SIPA1L3: variants seen among roughly 807,000 people sequenced by gnomAD.
The protein encoded by SIPA1L3 is signal induced proliferation associated 1 like 3, also known as signal-induced proliferation-associated 1-like protein 3.
In SIPA1L3, 59 loss-of-function variants were observed where a neutral mutation model predicts 150.1. The observed-to-expected ratio is 0.39, with a 90% CI of 0.32 to 0.49. The LOEUF (loss-of-function observed/expected upper bound fraction) is 0.49, where lower values mean the gene tolerates loss of function less well. SIPA1L3 is among the 20% of genes least tolerant of loss of function. The pLI is 0.86. For missense variants in SIPA1L3, 2,211 were observed against 2,489.5 expected (o/e 0.89, Z 2.38); for synonymous variants, 1,070 against 1,077.6 (o/e 0.99, Z 0.14).
At chr19:37,928,831 T>C (rs1459044714) in intron 1 of SIPA1L3, among the ~76,000 whole-genome samples, 2 of 152,256 alleles carry the variant, frequency 1.3e-5, no homozygotes, top group South Asian at 4.1e-4. Context: ...AAGAAGCCTG[T>C]AGGTAGGCAG....
At chr19:38,099,098 C>T (rs548304921) in intron 4 of SIPA1L3, among the ~76,000 whole-genome samples, 51 of 152,116 alleles carry the variant, frequency 3.4e-4, no homozygotes, top group Middle Eastern at 3.4e-3. Flanking sequence ...TGCAGTGGCG[C>T]GATCTTGGCT....
intron 1 of SIPA1L3, among the ~76,000 whole-genome samples, chr19:37,927,706 C>G (rs1203625733): frequency 6.8e-6 from 1 of 147,344 alleles, no homozygotes; most frequent in African/African-American, 2.5e-5. Flanking sequence ...CAATGTTTAG[C>G]TCTCACTTGT....
chr19:37,990,336 C>T (rs1189853974), intron 1 of SIPA1L3, among the ~76,000 whole-genome samples: 1 of 152,146 alleles, frequency 6.6e-6, no homozygotes, highest in African/African-American at 2.4e-5. Flanking sequence ...TCCATTCATT[C>T]CTATGTATCT....
chr19:37,973,511 A>G (rs1255689702), intron 1 of SIPA1L3, among the ~76,000 whole-genome samples: 1 of 127,716 alleles, frequency 7.8e-6, no homozygotes, highest in Non-Finnish European at 1.6e-5. Flanking sequence ...CTGGGATTAC[A>G]GGTGTGAGCC....
chr19:38,017,581 G>A (rs1222820152), intron 1 of SIPA1L3, among the ~76,000 whole-genome samples: 2 of 150,982 alleles, frequency 1.3e-5, no homozygotes, highest in Non-Finnish European at 2.9e-5. Flanking sequence ...CTGGAATGTG[G>A]TGGTGTCATC....
rs911349275 is a variant in SIPA1L3 at position 38,207,352 on chromosome 19, T to C, written c.*1112T>C. On this transcript the variant is annotated 3_prime_UTR_variant, in exon 22 of 22. Coordinates refer to ENST00000222345, the MANE Select transcript of SIPA1L3 (RefSeq NM_015073.3). Reference sequence around the variant, plus strand: ...CTCTAAAGGCAATAAGGGGCGGCCATGCCGGTGTGGTACCACGCTGTTCCT... The same window carrying C: ...CTCTAAAGGCAATAAGGGGCGGCCACGCCGGTGTGGTACCACGCTGTTCCT... The C allele has an allele frequency of 6.6e-6, 1 of 151,486 alleles. No homozygotes were observed. The highest frequency in any genetic ancestry group is 1.5e-5 in the Non-Finnish European group (1 of 67,890). 9.4% of individuals were successfully genotyped at this position (151,486 alleles called of 1,614,324 possible).
Position 38,100,056 on chromosome 19 carries a change from A to G in SIPA1L3, c.1760A>G (p.Glu587Gly). The G allele has an allele frequency of 6.2e-7, 1 of 1,612,774 alleles. No homozygotes were observed. The highest frequency in any genetic ancestry group is 8.5e-7 in the Non-Finnish European group (1 of 1,179,512). ...GGCCTGCCCTTGAAGGATGCCCTGG[A>G]GTATGTCATCCCCGAGCTCAACATC... is the stretch of plus-strand genomic sequence containing the variant. ...GRGLPLKDAL[E>G]YVIPELNIHC... Residue 587 changes from glutamate (E) to glycine (G), a missense_variant, in exon 5 of 22, where the codon GAG (glutamate) becomes GGG (glycine). Glu to Gly is a moderately conservative substitution (Grantham distance 98). This residue lies in a region of SIPA1L3 where 625 missense variants were observed against 804.2 expected (regional missense o/e 0.78). Transcript: ENST00000222345.
chr19:37,958,159 C>G (rs1189493846), intron 1 of SIPA1L3, among the ~76,000 whole-genome samples: 1 of 152,144 alleles, frequency 6.6e-6, no homozygotes, highest in East Asian at 1.9e-4. Context: ...ATAGGCTGGG[C>G]ATGGTGGCTC....
chr19:38,015,724 A>T (rs1029551163), intron 1 of SIPA1L3, among the ~76,000 whole-genome samples: 10 of 89,524 alleles, frequency 1.1e-4, no homozygotes, highest in African/African-American at 4.5e-4. Flanking sequence ...ATCCTGTTAA[A>T]AAAAAAAAAA....
At chr19:37,923,552 G>C (rs1167920340) in intron 1 of SIPA1L3, among the ~76,000 whole-genome samples, 1 of 152,184 alleles carries the variant, frequency 6.6e-6, no homozygotes, top group African/African-American at 2.4e-5. Flanking sequence ...TGCAGGACTG[G>C]AAGTTGCTCC....
At position 38,000,237 on chromosome 19, in the gene SIPA1L3, C is replaced by T. The variant is rs551004126; in HGVS notation, c.-378-28852C>T. Among the ~76,000 whole-genome samples, 10 of 152,074 alleles carry T rather than the reference C, an allele frequency of 6.6e-5. No individual in the cohort carries two copies. The South Asian group carries it at 8.3e-4, about 13-fold the overall frequency. On this transcript the variant is annotated intron_variant, in intron 1 of 21. Coordinates refer to ENST00000222345, the MANE Select transcript of SIPA1L3 (RefSeq NM_015073.3). The stretch of plus-strand genomic sequence containing the variant: ...ATCCCAGCACTTTGGGAGGCCGAGA[C>T]GGGTGGATCACCTGAGGTCAGGAGT...
chr19:38,201,760 T>C (rs1335120056), intron 19 of SIPA1L3, 102 bp from the exon 20 acceptor site: 10 of 1,322,880 alleles, frequency 7.6e-6, no homozygotes, highest in Admixed American at 2.4e-5. Flanking sequence ...CCAAGTGTGA[T>C]AGGAGGCATC....
rs573815947 is a variant in SIPA1L3, at chr19:37,947,357, C to T, written c.-379+39999C>T. ...ACAAAAAATTAGCTGGGTGTGGTGG[C>T]AGGCACCTGTAGTCCCAGCTACTCA... is the stretch of plus-strand genomic sequence containing the variant. On this transcript the variant is annotated intron_variant, in intron 1 of 21. Transcript: ENST00000222345. Among the ~76,000 whole-genome samples the T allele has an allele frequency of 1.6e-3, 246 of 151,966 alleles. 1 individual carries two copies. The East Asian group carries it at 0.021, about 13-fold the overall frequency.
intron 1 of SIPA1L3, among the ~76,000 whole-genome samples, chr19:37,959,268 A>G (rs1441246171): frequency 6.6e-6 from 1 of 152,236 alleles, no homozygotes; most frequent in African/African-American, 2.4e-5. Context: ...AGTGAAAATG[A>G]CCCGATGTCC....
At chr19:38,030,737 A>T (rs1233206324) in intron 2 of SIPA1L3, among the ~76,000 whole-genome samples, 1 of 151,574 alleles carries the variant, frequency 6.6e-6, no homozygotes, top group African/African-American at 2.4e-5. Flanking sequence ...GCTAGTGAAC[A>T]TTCTCTCTTG....
chr19:38,201,943 G>A lies in SIPA1L3; in HGVS notation c.5066G>A (p.Ser1689Asn), dbSNP rs1973097191. ...DIPPAHSPVH[S>N]HLSLERGPPT... ...CCGCCTGCACACAGTCCTGTCCACAGCCACCTGAGCCTGGAGAGGGGACCC... is the reference window on the plus strand; with the variant it reads ...CCGCCTGCACACAGTCCTGTCCACAACCACCTGAGCCTGGAGAGGGGACCC... Residue 1689 changes from serine (S) to asparagine (N), a missense_variant, in exon 20 of 22, where the codon AGC (serine) becomes AAC (asparagine). Ser to Asn is a conservative substitution (Grantham distance 46). This residue lies in a region of SIPA1L3 where 806 missense variants were observed against 870.1 expected (regional missense o/e 0.93). Transcript: ENST00000222345. 1 of 1,613,784 alleles carries A rather than the reference G, an allele frequency of 6.2e-7. No individual in the cohort carries two copies. The highest frequency in any genetic ancestry group is 1.1e-5 in the South Asian group (1 of 91,038).
chr19:38,079,923 T>A (rs1168409172), intron 2 of SIPA1L3, among the ~76,000 whole-genome samples: 1 of 152,156 alleles, frequency 6.6e-6, no homozygotes, highest in Non-Finnish European at 1.5e-5. Flanking sequence ...AGGAAGGATA[T>A]CAGATGTCCT....
intron 1 of SIPA1L3, among the ~76,000 whole-genome samples, chr19:37,973,561 G>GGT (rs1555772354): frequency 3.5e-5 from 5 of 144,268 alleles, no homozygotes; most frequent in East Asian, 2.2e-4. Context: ...AAAAGCGGGA[G>GGT]GGGGGCGCAT....
chr19:37,953,813 C>G (rs1230120825), intron 1 of SIPA1L3, among the ~76,000 whole-genome samples: 4 of 152,068 alleles, frequency 2.6e-5, no homozygotes, highest in Non-Finnish European at 5.9e-5. Context: ...GAATTTGTGC[C>G]CCATGCTGAG....
Sources: gnomAD v4.1 joint callset for allele counts (sites outside exome capture counted in the v4.1 genomes callset) on GRCh38, gnomAD v4.1.1 for gene constraint, gnomAD v4.1.1 regional missense constraint, MANE v1.5 for transcripts, NCBI Gene and HGNC (gene_info 2026-07-23, HGNC 2026-07-21) for gene names.